Variants in ZNF644 observed in about 807,000 individuals in gnomAD.
The protein encoded by ZNF644 is zinc finger protein 644.
In ZNF644, 20 loss-of-function variants were observed where a neutral mutation model predicts 108.0. The observed-to-expected ratio is 0.19, with a 90% CI of 0.13 to 0.27. The LOEUF (loss-of-function observed/expected upper bound fraction) is 0.27. Among genes scored for constraint, ZNF644 ranks in the 10% least tolerant of loss-of-function variants. The pLI, the probability that ZNF644 is intolerant of heterozygous loss-of-function variation, is 1.00. For synonymous variants in ZNF644, 542 were observed against 539.1 expected (o/e 1.01, Z -0.08); for missense variants, 1,338 against 1,548.9 (o/e 0.86, Z 2.29).
In ZNF644 at chr1:90,966,022, C is replaced by A. The variant is rs1276088917; in HGVS notation, c.44+16288G>T. Among the ~76,000 whole-genome samples, 3 of 152,196 alleles carry A rather than the reference C, an allele frequency of 2.0e-5. No individual in the cohort carries two copies. In the South Asian group the frequency reaches 6.2e-4, roughly 32 times the overall value. ...CACCTCGGCCTCCCAAAGTGCCTGG[C>A]TTATAGGCATGAGCCACCGCGCCTG... On this transcript the variant is annotated intron_variant, in intron 2 of 5. Transcript: ENST00000337393.
chr1:90,944,950 A>T (rs1278647138), intron 2 of ZNF644, among the ~76,000 whole-genome samples: 1 of 152,124 alleles, frequency 6.6e-6, no homozygotes. Context: ...ACATCATCAA[A>T]AATTATTTTA....
In ZNF644 at chr1:90,937,486, T is replaced by C; in HGVS notation, c.3687A>G (p.Ser1229=). Residue 1229 remains serine (S), a splice_region_variant and synonymous_variant, in exon 4 of 6, where the codon TCA becomes TCG. Transcript: ENST00000337393. ...QPQKMDLTMH[S]ALDCKQKKSR... is the part of the protein sequence containing the mutation. Reference sequence around the variant, plus strand: ...GCATAGTCATAAACGTCCTCTTACCTGAGTGCATAGTCAAGTCCATTTTTT... The same window carrying C: ...GCATAGTCATAAACGTCCTCTTACCCGAGTGCATAGTCAAGTCCATTTTTT... The C allele has an allele frequency of 6.2e-7, 1 of 1,613,730 alleles. No homozygotes were observed. Among genetic ancestry groups the C allele is most frequent in the Non-Finnish European group, 8.5e-7 (1 of 1,179,656 alleles).
intron 1 of ZNF644, among the ~76,000 whole-genome samples, chr1:91,011,962 G>A (rs1659993656): frequency 6.6e-6 from 1 of 152,076 alleles, no homozygotes; most frequent in African/African-American, 2.4e-5. Flanking sequence ...AGAGAATACT[G>A]TAATGACAGC....
chr1:90,949,599 A>T (rs1188969260), intron 2 of ZNF644, among the ~76,000 whole-genome samples: 1 of 152,230 alleles, frequency 6.6e-6, no homozygotes, highest in Non-Finnish European at 1.5e-5. Context: ...CAAAAGAAAT[A>T]AAAAATAAAA....
chr1:90,930,601 T>C (rs1437992155), intron 4 of ZNF644, among the ~76,000 whole-genome samples: 1 of 152,170 alleles, frequency 6.6e-6, no homozygotes, highest in Non-Finnish European at 1.5e-5. Context: ...CTTAAGTGGG[T>C]AGCAAATCAA....
chr1:90,924,862 C>A (rs1180638363), intron 4 of ZNF644, among the ~76,000 whole-genome samples: 3 of 152,010 alleles, frequency 2.0e-5, no homozygotes, highest in African/African-American at 7.3e-5. Context: ...AAAGTAAATT[C>A]TACTTTTCTA....
At chr1:90,968,405 T>C (rs998907131) in intron 2 of ZNF644, among the ~76,000 whole-genome samples, 21 of 152,204 alleles carry the variant, frequency 1.4e-4, no homozygotes, top group African/African-American at 4.8e-4. Context: ...AAACTGTATA[T>C]AAGCATTCTA....
intron 2 of ZNF644, among the ~76,000 whole-genome samples, chr1:90,953,231 T>C (rs951377752): frequency 1.3e-5 from 2 of 151,976 alleles, no homozygotes; most frequent in African/African-American, 4.8e-5. Context: ...AGGAATACCT[T>C]GGAGATACTG....
At chr1:90,928,812 C>T (rs1162868941) in intron 4 of ZNF644, among the ~76,000 whole-genome samples, 1 of 152,168 alleles carries the variant, frequency 6.6e-6, no homozygotes, top group Non-Finnish European at 1.5e-5. Flanking sequence ...ACACTATGTT[C>T]TTCTCTGCCT....
rs1651871435 is a variant in ZNF644, at chr1:90,940,723, T to C, written c.631A>G (p.Asn211Asp). 1 of 1,614,094 alleles carries C rather than the reference T, an allele frequency of 6.2e-7. No homozygotes were observed. The highest frequency in any genetic ancestry group is 1.3e-5 in the African/African-American group (1 of 75,050). ...GCDIQNSVGS[N>D]IKSDGTLINQ... The stretch of plus-strand genomic sequence containing the variant: ...ATTAAAGTGCCATCTGACTTTATAT[T>C]ACTCCCTACTGAATTCTGAATGTCA... Residue 211 changes from asparagine to aspartate, a missense_variant, in exon 3 of 6, where the codon AAT becomes GAT. Asn to Asp is a conservative substitution (Grantham distance 23). This residue lies in a region of ZNF644 where 464 missense variants were observed against 457.9 expected (regional missense o/e 1.01). Transcript: ENST00000337393.
chr1:90,983,783 T>G (rs977489944), intron 1 of ZNF644, among the ~76,000 whole-genome samples: 1 of 152,104 alleles, frequency 6.6e-6, no homozygotes, highest in East Asian at 1.9e-4. Flanking sequence ...AAAAGTTAGC[T>G]GGGCGTGGTG....
rs1656640248 is a variant in ZNF644, at chr1:90,982,388, A to T, written c.-17-18T>A. 6.3e-7 allele frequency: 1 copy of T among 1,593,866 alleles called. No individual in the cohort carries two copies. The highest frequency in any genetic ancestry group is 1.7e-5 in the Admixed American group (1 of 59,944). On this transcript the variant is annotated intron_variant, in intron 1 of 5. Coordinates refer to ENST00000337393, the MANE Select transcript of ZNF644 (RefSeq NM_201269.3). The stretch of plus-strand genomic sequence containing the variant: ...AATCAAACCTGAAAGAAATACACAC[A>T]ATGACCAAGGTTTAATTTTTTGTTT...
intron 4 of ZNF644, chr1:90,935,589 G>C: frequency 1.0e-6 from 1 of 978,086 alleles, no homozygotes; most frequent in Non-Finnish European, 1.2e-6. Flanking sequence ...AATTTTCTTA[G>C]CTTAAAGAGT....
chr1:90,942,307 T>A (rs1274954070), intron 2 of ZNF644, among the ~76,000 whole-genome samples: 1 of 152,220 alleles, frequency 6.6e-6, no homozygotes, highest in Admixed American at 6.5e-5. Flanking sequence ...AAAAGTACAA[T>A]ATTTTTAAAG....
At chr1:90,929,873 A>T (rs1650522055) in intron 4 of ZNF644, among the ~76,000 whole-genome samples, 1 of 152,228 alleles carries the variant, frequency 6.6e-6, no homozygotes. Context: ...TTGATTTTTT[A>T]AAAACGTTAA....
chr1:90,934,559 T>C (rs1244701326), intron 4 of ZNF644, among the ~76,000 whole-genome samples: 1 of 152,164 alleles, frequency 6.6e-6, no homozygotes, highest in Non-Finnish European at 1.5e-5. Flanking sequence ...AAGCATTTTG[T>C]AGGTTATAAG....
At position 90,940,908 on chromosome 1, in the gene ZNF644, G is replaced by A; in HGVS notation, c.446C>T (p.Thr149Ile). 1 of 1,614,072 alleles carries A rather than the reference G, an allele frequency of 6.2e-7. No individual in the cohort carries two copies. The highest frequency in any genetic ancestry group is 8.5e-7 in the Non-Finnish European group (1 of 1,179,984). The change falls in exon 3 of 6, where the codon ACA (threonine) becomes ATA (isoleucine). Residue 149 changes from threonine to isoleucine, a missense_variant. By Grantham distance (89) the Thr-to-Ile change is moderately conservative (BLOSUM62 -1). Coordinates refer to ENST00000337393, the MANE Select transcript of ZNF644 (RefSeq NM_201269.3). ...TTGQPVDQPT[T>I]ESCSTLKVAA... The stretch of plus-strand genomic sequence containing the variant: ...TACCTTCAAAGTTGAACAAGATTCT[G>A]TTGTTGGCTGATCCACAGGCTGTCC...
intron 1 of ZNF644, 134 bp downstream of exon 1, chr1:91,021,856 T>A (rs917379073): frequency 5.0e-6 from 2 of 397,274 alleles, no homozygotes; most frequent in African/African-American, 4.1e-5. Context: ...AGGGCGTAGC[T>A]CCCCGGGCCC....
At chr1:90,931,181 T>C (rs1650689322) in intron 4 of ZNF644, among the ~76,000 whole-genome samples, 1 of 152,054 alleles carries the variant, frequency 6.6e-6, no homozygotes, top group Non-Finnish European at 1.5e-5. Flanking sequence ...AAATACATCA[T>C]TTAATTAAAA....
Sources: allele counts gnomAD v4.1 joint callset (sites outside exome capture counted in the v4.1 genomes callset), GRCh38; gene constraint gnomAD v4.1.1; regional missense constraint gnomAD v4.1.1; transcripts MANE v1.5; gene names NCBI Gene and HGNC (gene_info 2026-07-23, HGNC 2026-07-21).